Variants in EXOC7 observed in about 807,000 individuals in gnomAD.
EXOC7 encodes the protein exocyst complex component 7, also known as exocyst complex component Exo70.
In EXOC7, 51 loss-of-function variants were observed where a neutral mutation model predicts 87.6. The observed-to-expected ratio is 0.58, with a 90% CI of 0.46 to 0.73. The LOEUF (loss-of-function observed/expected upper bound fraction) is 0.73. Ranked by LOEUF, EXOC7 falls within the 30% of genes least tolerant of loss-of-function variation. The pLI, the probability that EXOC7 is intolerant of heterozygous loss-of-function variation, is 0.00. For synonymous variants in EXOC7, 327 were observed against 357.1 expected (o/e 0.92, Z 0.95); for missense variants, 744 against 888.4 (o/e 0.84, Z 2.07).
Position 76,100,349 on chromosome 17 carries a change from C to T in EXOC7, c.417+922G>A, listed in dbSNP as rs75810824. Among the ~76,000 whole-genome samples, 984 of 152,062 alleles carry T rather than the reference C, an allele frequency of 6.5e-3. 30 individuals are homozygous for T. The highest frequency in any genetic ancestry group is 0.045 in the Admixed American group (690 of 15,244). On this transcript the variant is annotated intron_variant, in intron 4 of 18. Coordinates refer to ENST00000589210, the MANE Select transcript of EXOC7 (RefSeq NM_001013839.4). ...TAGAGTTAAAATAGCACATTTTGGC[C>T]AGGCACGGTGGCTCACACCTGTAAT... is the stretch of plus-strand genomic sequence containing the variant.
chr17:76,087,283 C>G, intron 12 of EXOC7: 1 of 390,882 alleles, frequency 2.6e-6, no homozygotes, highest in Non-Finnish European at 4.7e-6. Context: ...GAGACACTTG[C>G]TACCCTCTGA....
Position 76,082,759 on chromosome 17 carries a change from C to A in EXOC7, c.*889G>T. On this transcript the variant is annotated 3_prime_UTR_variant, in exon 19 of 19. Transcript: ENST00000589210. ...ATTAAGCCACCCTGAGCTCTCCCTC[C>A]GCTAGCACACAAGCACAGAGCGTGA... 1.8e-6 allele frequency: 2 copies of A among 1,097,474 alleles called. No homozygotes were observed. The highest frequency in any genetic ancestry group is 2.5e-6 in the Non-Finnish European group (2 of 790,720). 68.0% of individuals were successfully genotyped at this position (1,097,474 alleles called of 1,614,324 possible). A position where few individuals can be genotyped will look rare whatever the true frequency, so the allele number is the denominator to read the frequency against.
At chr17:76,100,792 C>G (rs1297213784) in intron 4 of EXOC7, among the ~76,000 whole-genome samples, 1 of 152,068 alleles carries the variant, frequency 6.6e-6, no homozygotes, top group South Asian at 2.1e-4. Context: ...ACCAGTCTGG[C>G]CAACATGGCG....
chr17:76,084,409 C>T lies in EXOC7; in HGVS notation c.1776+108G>A, dbSNP rs769077956. 4.5e-6 allele frequency: 7 copies of T among 1,563,952 alleles called. 1 individual carries two copies. The South Asian group carries it at 6.7e-5, about 15-fold the overall frequency. ...CCTGTGTCCTGATGGCCACATGCAT[C>T]CTTTGCTCTCTGATCCCAGAGGGAT... is the stretch of plus-strand genomic sequence containing the variant. On this transcript the variant is annotated intron_variant, in intron 16 of 18. Transcript: ENST00000589210.
Position 76,101,390 on chromosome 17 carries a change from G to C in EXOC7, c.312-14C>G, listed in dbSNP as rs1339457227. 5 of 1,613,852 alleles carry C rather than the reference G, an allele frequency of 3.1e-6. No homozygotes were observed. In the Admixed American group the frequency reaches 8.3e-5, roughly 27 times the overall value. On this transcript the variant is annotated splice_polypyrimidine_tract_variant and intron_variant, in intron 3 of 18. Transcript: ENST00000589210. Reference sequence around the variant, plus strand: ...CTACCTGTGGGGCTGGGAAAGAAAAGAGCCAGGTCAGGCTGGGGCATGGGG... The same window carrying C: ...CTACCTGTGGGGCTGGGAAAGAAAACAGCCAGGTCAGGCTGGGGCATGGGG...
Position 76,081,598 on chromosome 17 carries a change from A to T in EXOC7, c.*2050T>A. The T allele has an allele frequency of 6.2e-7, 1 of 1,614,024 alleles. No individual in the cohort carries two copies. The highest frequency in any genetic ancestry group is 8.5e-7 in the Non-Finnish European group (1 of 1,180,040). ...CCATCATCGCTCTCTTGGTGCCTGCAGAGGCACTGCTGTTGGCTGACGTGT... is the reference window on the plus strand; with the variant it reads ...CCATCATCGCTCTCTTGGTGCCTGCTGAGGCACTGCTGTTGGCTGACGTGT... On this transcript the variant is annotated 3_prime_UTR_variant, in exon 19 of 19. Transcript: ENST00000589210.
At chr17:76,085,119 C>T in intron 15 of EXOC7, 195 bp downstream of exon 15, 2 of 592,996 alleles carry the variant, frequency 3.4e-6, no homozygotes, top group Non-Finnish European at 6.0e-6. Context: ...CCATAGTGGG[C>T]CCCTAGGAGC....
chr17:76,085,284 T>C (rs2067159291), intron 15 of EXOC7, 30 bp downstream of exon 15: 2 of 1,542,724 alleles, frequency 1.3e-6, no homozygotes, highest in Non-Finnish European at 1.8e-6. Flanking sequence ...CAGGGGCCCA[T>C]GCAGGAGCAG....
intron 12 of EXOC7, 76 bp from the exon 13 acceptor site, chr17:76,086,221 C>T: frequency 7.2e-7 from 1 of 1,398,464 alleles, no homozygotes; most frequent in Non-Finnish European, 1.0e-6. Context: ...GGCCATGCAG[C>T]AGTCTGAGGG....
rs369083519 is a variant in EXOC7, at chr17:76,088,158, C to T, written c.1300-36G>A. ...ACAGCCTCTGGTTCCCTGAAGCAGC[C>T]CCCAGCCCACCCCATGCCCCAGTGC... On this transcript the variant is annotated intron_variant, in intron 10 of 18. Transcript: ENST00000589210. The T allele has an allele frequency of 2.7e-5, 43 of 1,599,540 alleles. No individual in the cohort carries two copies. In the African/African-American group the frequency reaches 5.5e-4, roughly 20 times the overall value.
At position 76,088,117 on chromosome 17, in the gene EXOC7, G is replaced by A. The variant is rs143051334; in HGVS notation, c.1305C>T (p.Asp435=). 6.2e-7 allele frequency: 1 copy of A among 1,613,712 alleles called. No homozygotes were observed. The highest frequency in any genetic ancestry group is 1.3e-5 in the African/African-American group (1 of 74,910). ...LEDFADNIKN[D]PDKEYNMPKD... is the part of the protein sequence containing the mutation. Reference sequence around the variant, plus strand: ...TCGGCATGTTGTACTCCTTGTCCGGGTCATTCTGTGGAAAAACAGCCTCTG... The same window carrying A: ...TCGGCATGTTGTACTCCTTGTCCGGATCATTCTGTGGAAAAACAGCCTCTG... Residue 435 remains aspartate (D), a synonymous_variant, in exon 11 of 19, where the codon GAC becomes GAT. Coordinates refer to ENST00000589210, the MANE Select transcript of EXOC7 (RefSeq NM_001013839.4).
Position 76,097,929 on chromosome 17 carries a change from G to A in EXOC7, c.507C>T (p.Leu169=), listed in dbSNP as rs1461669418. ...CGTCACCACTGATCAGATCCAAGAT[G>A]AGCACGGGCGAGACGACCTTACTGT... ...TRHSKVVSPV[L]ILDLISGDDD... is the part of the protein sequence containing the mutation. Residue 169 remains leucine, a synonymous_variant, in exon 5 of 19, where the codon CTC becomes CTT. Transcript: ENST00000589210. 5.0e-6 allele frequency: 8 copies of A among 1,614,026 alleles called. No homozygotes were observed. The highest frequency in any genetic ancestry group is 1.7e-5 in the Admixed American group (1 of 59,992).
chr17:76,103,575 C>T, intron 1 of EXOC7, 58 bp downstream of exon 1: 3 of 1,603,814 alleles, frequency 1.9e-6, no homozygotes, highest in Non-Finnish European at 2.6e-6. Context: ...GACAATCAGG[C>T]CCCGCTGTTG....
At position 76,082,856 on chromosome 17, in the gene EXOC7, T is replaced by A. The variant is rs1200795134; in HGVS notation, c.*792A>T. The stretch of plus-strand genomic sequence containing the variant: ...ATCTCGTCCTAAATAGGTGGGGCCC[T>A]ATTTTTTGCTTCCAACCCCCATTTT... On this transcript the variant is annotated 3_prime_UTR_variant, in exon 19 of 19. Coordinates refer to ENST00000589210, the MANE Select transcript of EXOC7 (RefSeq NM_001013839.4). 8.9e-6 allele frequency: 4 copies of A among 450,476 alleles called. No homozygotes were observed. Among genetic ancestry groups the A allele is most frequent in the Non-Finnish European group, 1.1e-5 (3 of 270,170 alleles). The allele number at this position is 450,476 out of a possible 1,614,324, so 27.9% of individuals were successfully genotyped here. A position where few individuals can be genotyped will look rare whatever the true frequency, so the allele number is the denominator to read the frequency against.
At position 76,091,208 on chromosome 17, in the gene EXOC7, A is replaced by G. The variant is rs1331565154; in HGVS notation, c.836T>C (p.Leu279Pro). 1 of 1,614,152 alleles carries G rather than the reference A, an allele frequency of 6.2e-7. No homozygotes were observed. Among genetic ancestry groups the G allele is most frequent in the Non-Finnish European group, 8.5e-7 (1 of 1,179,998 alleles). ...TAGACCATGCTGGGAATACTGTTTC[A>G]GAAGGTTCTGAGCCTTACGGATCGT... is the stretch of plus-strand genomic sequence containing the variant. ...PGTIRKAQNLLKQYSQHGLDG... is the reference protein window; with the variant it reads ...PGTIRKAQNLPKQYSQHGLDG... Residue 279 changes from leucine (L) to proline (P), a missense_variant, in exon 7 of 19, where the codon CTG becomes CCG. Around this residue, in one of 3 missense-constraint regions of EXOC7, gnomAD observed 512 missense variants for 573.0 expected, o/e 0.89. Coordinates refer to ENST00000589210, the MANE Select transcript of EXOC7 (RefSeq NM_001013839.4).
chr17:76,088,162 A>AT, intron 10 of EXOC7, 40 bp from the exon 11 acceptor site: 1 of 1,601,686 alleles, frequency 6.2e-7, no homozygotes. Flanking sequence ...AGCAGCCCCC[A>AT]GCCCACCCCA....
intron 5 of EXOC7, among the ~76,000 whole-genome samples, chr17:76,096,983 C>T (rs1050539189): frequency 1.2e-4 from 18 of 152,272 alleles, no homozygotes; most frequent in African/African-American, 4.1e-4. Flanking sequence ...TCCCAAGTAG[C>T]TGGCTCTGCA....
At chr17:76,093,181 TA>T (rs1344213127) in intron 6 of EXOC7, 2 of 152,522 alleles carry the variant, frequency 1.3e-5, no homozygotes, top group African/African-American at 4.8e-5. Flanking sequence ...AGCAGCCTCA[TA>T]GAGACAGCCA....
At chr17:76,086,804 C>T in intron 12 of EXOC7, 1 of 1,529,754 alleles carries the variant, frequency 6.5e-7, no homozygotes, top group Non-Finnish European at 8.9e-7. Context: ...GGAACCTCAC[C>T]CACCAAGCTT....
Sources: gnomAD v4.1 joint callset for allele counts (sites outside exome capture counted in the v4.1 genomes callset) on GRCh38, gnomAD v4.1.1 for gene constraint, gnomAD v4.1.1 regional missense constraint, MANE v1.5 for transcripts, NCBI Gene and HGNC (gene_info 2026-07-23, HGNC 2026-07-21) for gene names.